Variants in ARIH1 observed in about 807,000 individuals in gnomAD.
ARIH1 encodes E3 ubiquitin-protein ligase ARIH1.
Under a neutral mutation model 85.0 loss-of-function variants are expected in ARIH1, and 8 were observed. The observed-to-expected ratio is 0.09, with a 90% CI of 0.06 to 0.17. The LOEUF (loss-of-function observed/expected upper bound fraction) is 0.17, where lower values mean the gene tolerates loss of function less well. Among genes scored for constraint, ARIH1 ranks in the 10% least tolerant of loss-of-function variants. The pLI is 1.00. For missense variants in ARIH1, 311 were observed against 718.1 expected (o/e 0.43, Z 6.48); for synonymous variants, 238 against 253.6 (o/e 0.94, Z 0.59).
intron 2 of ARIH1, among the ~76,000 whole-genome samples, chr15:72,519,918 C>T (rs2063992097): frequency 6.6e-6 from 1 of 152,154 alleles, no homozygotes; most frequent in Non-Finnish European, 1.5e-5. Context: ...TGAATTAACA[C>T]TGATTTACTC....
Position 72,583,538 on chromosome 15 carries a change from A to C in ARIH1, c.*246A>C. ...GTGACAGACACACTAAAAGCCCTCC[A>C]ACTTTAACTTGTAACGTAGCTTCAT... On this transcript the variant is annotated 3_prime_UTR_variant, in exon 14 of 14. Coordinates refer to ENST00000379887, the MANE Select transcript of ARIH1 (RefSeq NM_005744.5). 1 of 385,746 alleles carries C rather than the reference A, an allele frequency of 2.6e-6. No individual in the cohort carries two copies. 23.9% of individuals were successfully genotyped at this position (385,746 alleles called of 1,614,324 possible).
In ARIH1 at chr15:72,507,304, G is replaced by A. The variant is rs374331734; in HGVS notation, c.376-10763G>A. Among the ~76,000 whole-genome samples, 13 of 152,324 alleles carry A rather than the reference G, an allele frequency of 8.5e-5. No individual in the cohort carries two copies. In the East Asian group the frequency reaches 1.7e-3, roughly 20 times the overall value. ...CTCCCAAAGTGCTGGGATTACAGGCGTGAGCCACCATGCCTGGCTTTGGTT... is the reference window on the plus strand; with the variant it reads ...CTCCCAAAGTGCTGGGATTACAGGCATGAGCCACCATGCCTGGCTTTGGTT... On this transcript the variant is annotated intron_variant, in intron 1 of 13. Coordinates refer to ENST00000379887, the MANE Select transcript of ARIH1 (RefSeq NM_005744.5).
intron 2 of ARIH1, among the ~76,000 whole-genome samples, chr15:72,530,017 C>G (rs1469710039): frequency 6.6e-6 from 1 of 151,922 alleles, no homozygotes; most frequent in African/African-American, 2.4e-5. Context: ...TTTTAACTAT[C>G]CAGGTAAAAG....
In ARIH1 at chr15:72,474,452, C is replaced by A; in HGVS notation, c.-188C>A. 2.7e-6 allele frequency: 2 copies of A among 733,960 alleles called. No homozygotes were observed. The highest frequency in any genetic ancestry group is 3.7e-5 in the East Asian group (1 of 27,294). The allele number at this position is 733,960 out of a possible 1,614,324, so 45.5% of individuals were successfully genotyped here. A position where few individuals can be genotyped will look rare whatever the true frequency, so the allele number is the denominator to read the frequency against. On this transcript the variant is annotated 5_prime_UTR_variant, in exon 1 of 14. Coordinates refer to ENST00000379887, the MANE Select transcript of ARIH1 (RefSeq NM_005744.5). ...CCCCTCGCTCCCTCCCTCCCTCCTC[C>A]GCGCCCTCCCCGCCGCCACCAGCCG...
At chr15:72,485,760 T>A (rs1334213345) in intron 1 of ARIH1, among the ~76,000 whole-genome samples, 1 of 152,204 alleles carries the variant, frequency 6.6e-6, no homozygotes, top group Non-Finnish European at 1.5e-5. Flanking sequence ...ATAACTTTGC[T>A]AAATTATTGA....
chr15:72,577,952 G>A (rs1311150304), intron 11 of ARIH1, among the ~76,000 whole-genome samples: 9 of 152,020 alleles, frequency 5.9e-5, no homozygotes. Flanking sequence ...ATAATAGAAG[G>A]GTCCATTCAT....
At position 72,546,308 on chromosome 15, in the gene ARIH1, A is replaced by G. The variant is rs371530636; in HGVS notation, c.588+1344A>G. On this transcript the variant is annotated intron_variant, in intron 3 of 13. Coordinates refer to ENST00000379887, the MANE Select transcript of ARIH1 (RefSeq NM_005744.5). ...GTGGGGAGTTAACTTGTTCACATGTACAAGTGATGAGAAAAGTTTTAAAAG... is the reference window on the plus strand; with the variant it reads ...GTGGGGAGTTAACTTGTTCACATGTGCAAGTGATGAGAAAAGTTTTAAAAG... Among the ~76,000 whole-genome samples, 26 of 152,328 alleles carry G rather than the reference A, an allele frequency of 1.7e-4. No homozygotes were observed. In the East Asian group the frequency reaches 2.5e-3, roughly 15 times the overall value.
chr15:72,594,086 C>T lies in ARIH1; in HGVS notation c.*10794C>T, dbSNP rs550956115. ...CAGCAATGTTTTGTAGCTTCCCTTG[C>T]GTAACACTTGCTTATCTTACATTAG... On this transcript the variant is annotated 3_prime_UTR_variant, in exon 14 of 14. Transcript: ENST00000379887. 4.0e-5 allele frequency: 6 copies of T among 151,844 alleles called. No individual in the cohort carries two copies. The highest frequency in any genetic ancestry group is 1.2e-4 in the African/African-American group (5 of 41,456). 9.4% of individuals were successfully genotyped at this position (151,844 alleles called of 1,614,324 possible).
rs764009252 is a variant in ARIH1 at position 72,544,923 on chromosome 15, G to A, written c.547G>A (p.Asp183Asn). Reference sequence around the variant, plus strand: ...GATGAATACAAGGTCATCAGCACAGGATATGCCTTGTCAGATCTGCTACTT... The same window carrying A: ...GATGAATACAAGGTCATCAGCACAGAATATGCCTTGTCAGATCTGCTACTT... ...RQMNTRSSAQ[D>N]MPCQICYLNY... The change falls in exon 3 of 14, where the codon GAT (aspartate) becomes AAT (asparagine). Residue 183 changes from aspartate to asparagine, a missense_variant. By Grantham distance (23) the Asp-to-Asn change is conservative. Coordinates refer to ENST00000379887, the MANE Select transcript of ARIH1 (RefSeq NM_005744.5). 2 of 1,609,478 alleles carry A rather than the reference G, an allele frequency of 1.2e-6. No individual in the cohort carries two copies. The highest frequency in any genetic ancestry group is 1.7e-6 in the Non-Finnish European group (2 of 1,176,628).
intron 1 of ARIH1, among the ~76,000 whole-genome samples, chr15:72,497,986 G>A (rs1053837806): frequency 2.6e-5 from 4 of 152,116 alleles, no homozygotes; most frequent in African/African-American, 9.7e-5. Context: ...GGGATGTTTC[G>A]AATCAATAGT....
At chr15:72,543,052 C>A (rs1288459292) in intron 2 of ARIH1, among the ~76,000 whole-genome samples, 2 of 151,648 alleles carry the variant, frequency 1.3e-5, no homozygotes, top group African/African-American at 2.4e-5. Context: ...CATGCCTCAC[C>A]CTCCTGAGTA....
chr15:72,539,657 T>A (rs981218989), intron 2 of ARIH1, among the ~76,000 whole-genome samples: 1 of 152,120 alleles, frequency 6.6e-6, no homozygotes, highest in Non-Finnish European at 1.5e-5. Flanking sequence ...GATCTTGAGG[T>A]AATTAATATC....
intron 1 of ARIH1, among the ~76,000 whole-genome samples, chr15:72,504,133 C>T (rs933484363): frequency 6.6e-6 from 1 of 152,206 alleles, no homozygotes; most frequent in African/African-American, 2.4e-5. Context: ...TGGCTCACTG[C>T]AACCTCTGCC....
chr15:72,587,059 G>C lies in ARIH1; in HGVS notation c.*3767G>C, dbSNP rs928460237. ...GGACAATTTAATTTACTCTTATTTG[G>C]ATCTGTAATTATGGGAGTTTATCAC... is the stretch of plus-strand genomic sequence containing the variant. On this transcript the variant is annotated 3_prime_UTR_variant, in exon 14 of 14. Transcript: ENST00000379887. 3 of 391,872 alleles carry C rather than the reference G, an allele frequency of 7.7e-6. No homozygotes were observed. The highest frequency in any genetic ancestry group is 2.1e-5 in the African/African-American group (1 of 46,996). The allele number at this position is 391,872 out of a possible 1,614,324, so 24.3% of individuals were successfully genotyped here. A position where few individuals can be genotyped will look rare whatever the true frequency, so the allele number is the denominator to read the frequency against.
intron 3 of ARIH1, among the ~76,000 whole-genome samples, chr15:72,550,418 T>C (rs1226298240): frequency 6.6e-6 from 1 of 152,232 alleles, no homozygotes; most frequent in Non-Finnish European, 1.5e-5. Context: ...CATATAAGCA[T>C]GTGTATATGT....
chr15:72,581,574 T>TA (rs2064295298), intron 12 of ARIH1: 1 of 158,338 alleles, frequency 6.3e-6, no homozygotes, highest in Non-Finnish European at 1.4e-5. Flanking sequence ...AAAACATTGA[T>TA]ATCTGTATAT....
intron 1 of ARIH1, among the ~76,000 whole-genome samples, chr15:72,498,165 T>C (rs978292039): frequency 2.0e-5 from 3 of 152,226 alleles, no homozygotes; most frequent in Non-Finnish European, 4.4e-5. Context: ...TGACTAGATG[T>C]AAATCACTGC....
At chr15:72,559,891 C>A (rs996991930) in intron 5 of ARIH1, among the ~76,000 whole-genome samples, 1 of 152,100 alleles carries the variant, frequency 6.6e-6, no homozygotes. Flanking sequence ...ATAATGGTTC[C>A]ATTATATGGA....
chr15:72,535,938 C>T (rs930883625), intron 2 of ARIH1, among the ~76,000 whole-genome samples: 2 of 151,880 alleles, frequency 1.3e-5, no homozygotes, highest in Admixed American at 6.6e-5. Context: ...CCTGGGAGTG[C>T]GGGGGTGGGG....
Sources: allele counts gnomAD v4.1 joint callset (sites outside exome capture counted in the v4.1 genomes callset), GRCh38; gene constraint gnomAD v4.1.1; transcripts MANE v1.5; gene names NCBI Gene and HGNC (gene_info 2026-07-23, HGNC 2026-07-21).